The following PRDM6 variants were observed in gnomAD, a reference collection of about 807,000 sequenced individuals.
PRDM6 encodes putative histone-lysine N-methyltransferase PRDM6.
Under a neutral mutation model 60.8 loss-of-function variants are expected in PRDM6, and 25 were observed. That is an observed-to-expected ratio of 0.41 (90% CI 0.30 to 0.57). The LOEUF is 0.57. Among genes scored for constraint, PRDM6 ranks in the 20% least tolerant of loss-of-function variants. The pLI is 0.27. For missense variants in PRDM6, 839 were observed against 821.3 expected, an observed-to-expected ratio of 1.02 and a Z score of -0.26; for synonymous variants, 407 against 357.4, an observed-to-expected ratio of 1.14 and a Z score of -1.57.
chr5:123,159,118 AAT>A (rs1765571111), intron 4 of PRDM6, among the ~76,000 whole-genome samples: 1 of 152,184 alleles, frequency 6.6e-6, no homozygotes, highest in Non-Finnish European at 1.5e-5. Context: ...TAATACATTT[AAT>A]GCTTTTCCTT....
chr5:123,151,305 C>T (rs537099629), intron 3 of PRDM6, among the ~76,000 whole-genome samples: 21 of 152,256 alleles, frequency 1.4e-4, no homozygotes, highest in African/African-American at 4.8e-4. Flanking sequence ...ATGAAACCTT[C>T]GGATCCCACT....
intron 3 of PRDM6, among the ~76,000 whole-genome samples, chr5:123,132,681 C>T (rs1764859099): frequency 6.6e-6 from 1 of 152,018 alleles, no homozygotes; most frequent in South Asian, 2.1e-4. Flanking sequence ...TTTCTAACAT[C>T]ATAGAATTGT....
intron 3 of PRDM6, among the ~76,000 whole-genome samples, chr5:123,124,157 C>T (rs1185949203): frequency 1.3e-5 from 2 of 152,078 alleles, no homozygotes; most frequent in Non-Finnish European, 2.9e-5. Context: ...TTTGTGCTGC[C>T]GTTGTCCTGC....
intron 5 of PRDM6, among the ~76,000 whole-genome samples, chr5:123,166,484 G>T (rs563161272): frequency 6.6e-6 from 1 of 151,762 alleles, no homozygotes; most frequent in South Asian, 2.1e-4. Flanking sequence ...TCTGAAACTG[G>T]CAAGTGTCTT....
At chr5:123,134,054 C>G (rs891810008) in intron 3 of PRDM6, among the ~76,000 whole-genome samples, 1 of 152,066 alleles carries the variant, frequency 6.6e-6, no homozygotes, top group Non-Finnish European at 1.5e-5. Context: ...TTTTGGGTTA[C>G]TTCTGTGTAA....
At chr5:123,148,072 A>C (rs233173) in intron 3 of PRDM6, among the ~76,000 whole-genome samples, 108,018 of 152,102 alleles carry the variant, frequency 0.71, 38,554 homozygotes, top group Non-Finnish European at 0.75. Context: ...TTTGCAAACA[A>C]CACCACAGGT....
In PRDM6 at chr5:123,171,077, C is replaced by T; in HGVS notation, c.1465C>T (p.Gln489Ter). 1 of 1,549,902 alleles carries T rather than the reference C, an allele frequency of 6.5e-7. No homozygotes were observed. Among genetic ancestry groups the T allele is most frequent in the Non-Finnish European group, 8.7e-7 (1 of 1,145,604 alleles). Residue 489 changes from glutamine (Q) to a stop codon, truncating the protein, a stop_gained, in exon 6 of 8, where the codon CAG (glutamine) becomes TAG (stop). Coordinates refer to ENST00000407847, the MANE Select transcript of PRDM6 (RefSeq NM_001136239.4). LOFTEE classifies it high-confidence loss of function. The part of the protein sequence containing the change: ...FKTFTQRILL[Q>*]MHVCTQNPDR... ...GACTTTCACCCAGCGGATCCTCTTA[C>T]AGATGCACGTGTGCACGCAGAACCC... is the stretch of plus-strand genomic sequence containing the variant.
chr5:123,152,979 G>A (rs1229467113), intron 3 of PRDM6, among the ~76,000 whole-genome samples: 1 of 152,090 alleles, frequency 6.6e-6, no homozygotes, highest in African/African-American at 2.4e-5. Context: ...GTAAGAATTA[G>A]GTCTCCCTTT....
At chr5:123,151,217 A>T (rs565994661) in intron 3 of PRDM6, among the ~76,000 whole-genome samples, 1 of 152,226 alleles carries the variant, frequency 6.6e-6, no homozygotes, top group South Asian at 2.1e-4. Context: ...TGGCACAGGG[A>T]TATGCCAGGG....
Position 123,171,066 on chromosome 5 carries a change from G to A in PRDM6, c.1454G>A (p.Arg485Gln), listed in dbSNP as rs963764783. The change falls in exon 6 of 8, where the codon CGG (arginine) becomes CAG (glutamine). Residue 485 changes from arginine (R) to glutamine (Q), a missense_variant. Arg to Gln is a conservative substitution (Grantham distance 43). Around this residue, in one of 2 missense-constraint regions of PRDM6, gnomAD observed 109 missense variants for 172.6 expected, o/e 0.63. Coordinates refer to ENST00000407847, the MANE Select transcript of PRDM6 (RefSeq NM_001136239.4). ...CGQCFKTFTQ[R>Q]ILLQMHVCTQ... is the part of the protein sequence containing the mutation. ...CAGTGCTTTAAGACTTTCACCCAGC[G>A]GATCCTCTTACAGATGCACGTGTGC... is the stretch of plus-strand genomic sequence containing the variant. 4 of 1,551,484 alleles carry A rather than the reference G, an allele frequency of 2.6e-6. No homozygotes were observed. Among genetic ancestry groups the A allele is most frequent in the African/African-American group, 1.4e-5 (1 of 73,028 alleles).
At chr5:123,141,357 C>T (rs1765094914) in intron 3 of PRDM6, among the ~76,000 whole-genome samples, 1 of 151,784 alleles carries the variant, frequency 6.6e-6, no homozygotes, top group African/African-American at 2.4e-5. Flanking sequence ...GTAATTAATT[C>T]ATTATATAAT....
intron 5 of PRDM6, among the ~76,000 whole-genome samples, chr5:123,163,289 A>C (rs1276373519): frequency 6.6e-6 from 1 of 152,244 alleles, no homozygotes; most frequent in East Asian, 1.9e-4. Flanking sequence ...GATTTTACTT[A>C]GTGAGTAATA....
chr5:123,156,117 C>A, intron 4 of PRDM6, 106 bp downstream of exon 4: 3 of 1,101,696 alleles, frequency 2.7e-6, no homozygotes, highest in Non-Finnish European at 3.8e-6. Flanking sequence ...CAGAACTCTG[C>A]AAGGACTGGC....
chr5:123,160,205 G>A (rs1386134722), intron 5 of PRDM6, among the ~76,000 whole-genome samples: 1 of 152,134 alleles, frequency 6.6e-6, no homozygotes, highest in Admixed American at 6.5e-5. Flanking sequence ...AACCATGTCT[G>A]GAAACATGTA....
chr5:123,126,123 G>A (rs554572564), intron 3 of PRDM6, among the ~76,000 whole-genome samples: 1 of 152,222 alleles, frequency 6.6e-6, no homozygotes, highest in South Asian at 2.1e-4. Context: ...GGACCACGTT[G>A]GCATAACAGA....
At chr5:123,107,989 C>T (rs767495556) in intron 3 of PRDM6, among the ~76,000 whole-genome samples, 1 of 152,062 alleles carries the variant, frequency 6.6e-6, no homozygotes, top group Non-Finnish European at 1.5e-5. Flanking sequence ...CACAGCATTT[C>T]TGGTTTCTGT....
intron 2 of PRDM6, among the ~76,000 whole-genome samples, chr5:123,095,239 T>G (rs916431144): frequency 6.6e-6 from 1 of 152,184 alleles, no homozygotes; most frequent in African/African-American, 2.4e-5. Context: ...TCGTGGGTGG[T>G]GTCGGCGGCC....
chr5:123,122,360 G>C (rs2150218534), intron 3 of PRDM6, among the ~76,000 whole-genome samples: 1 of 152,170 alleles, frequency 6.6e-6, no homozygotes, highest in Non-Finnish European at 1.5e-5. Context: ...TAGTAAAGTA[G>C]TCAACCTTTT....
intron 3 of PRDM6, among the ~76,000 whole-genome samples, chr5:123,113,326 A>T (rs528235033): frequency 6.6e-6 from 1 of 152,230 alleles, no homozygotes; most frequent in South Asian, 2.1e-4. Flanking sequence ...AATGCCTAGC[A>T]TACATAGAGC....
Sources: allele counts gnomAD v4.1 joint callset (sites outside exome capture counted in the v4.1 genomes callset), GRCh38; gene constraint gnomAD v4.1.1; regional missense constraint gnomAD v4.1.1; transcripts MANE v1.5; gene names NCBI Gene and HGNC (gene_info 2026-07-23, HGNC 2026-07-21).